Variants in SLC15A2 observed in about 807,000 individuals in gnomAD.
SLC15A2 encodes the protein solute carrier family 15 member 2.
SLC15A2 carries 77 observed loss-of-function variants against 95.5 expected under a neutral mutation model. The observed-to-expected ratio is 0.81, with a 90% CI of 0.67 to 0.97. The LOEUF is 0.97. Among genes scored for constraint, SLC15A2 ranks in the 50% least tolerant of loss-of-function variants. The pLI is 0.00. For missense variants in SLC15A2, 893 were observed against 874.4 expected, an observed-to-expected ratio of 1.02 and a Z score of -0.27; for synonymous variants, 306 against 306.9, an observed-to-expected ratio of 1.00 and a Z score of 0.03.
intron 7 of SLC15A2, among the ~76,000 whole-genome samples, chr3:121,916,510 T>A (rs1051601164): frequency 2.6e-5 from 4 of 152,174 alleles, no homozygotes; most frequent in Admixed American, 6.5e-5. Context: ...AGGGAGTTGA[T>A]GGGAGGGCAC....
chr3:121,931,503 A>T, intron 18 of SLC15A2, 136 bp from the exon 19 acceptor site: 2 of 572,268 alleles, frequency 3.5e-6, no homozygotes, highest in Non-Finnish European at 6.2e-6. Context: ...TCCAAGAAAC[A>T]TTTCTCTTCA....
chr3:121,915,981 G>A (rs921709896), intron 7 of SLC15A2, among the ~76,000 whole-genome samples: 7 of 152,012 alleles, frequency 4.6e-5, no homozygotes, highest in Non-Finnish European at 8.8e-5. Context: ...TTAGTATCTC[G>A]GGTCATTCTA....
At chr3:121,904,700 C>A (rs915170959) in intron 3 of SLC15A2, among the ~76,000 whole-genome samples, 5 of 152,184 alleles carry the variant, frequency 3.3e-5, no homozygotes, top group African/African-American at 1.2e-4. Context: ...AGGGATGAAG[C>A]CGACTTGATC....
In SLC15A2 at chr3:121,924,398, T is replaced by A. The variant is rs1710070133; in HGVS notation, c.1035+15T>A. The A allele has an allele frequency of 1.2e-6, 2 of 1,611,298 alleles. No individual in the cohort carries two copies. Among genetic ancestry groups the A allele is most frequent in the Non-Finnish European group, 1.7e-6 (2 of 1,177,480 alleles). On this transcript the variant is annotated intron_variant, in intron 12 of 21. Transcript: ENST00000489711. ...ACCAGATGCAGGTATGTGACTCTTC[T>A]ATAGCCATGGGGACTTATTTGTTTC...
intron 3 of SLC15A2, among the ~76,000 whole-genome samples, chr3:121,905,186 G>A (rs973731689): frequency 1.3e-5 from 2 of 152,050 alleles, no homozygotes; most frequent in South Asian, 2.1e-4. Flanking sequence ...CTGTGGAATC[G>A]GTGGTGATAT....
chr3:121,904,045 C>A (rs1273921512), intron 3 of SLC15A2, among the ~76,000 whole-genome samples: 2 of 152,112 alleles, frequency 1.3e-5, no homozygotes, highest in African/African-American at 4.8e-5. Context: ...GTTTGTAGTT[C>A]TCCTTGAAGA....
intron 19 of SLC15A2, among the ~76,000 whole-genome samples, chr3:121,937,900 C>G (rs1186908817): frequency 2.6e-5 from 4 of 151,236 alleles, no homozygotes; most frequent in South Asian, 2.1e-4. Context: ...GTGGTTTTAT[C>G]TACTTTTGGT....
At chr3:121,924,482 C>T in intron 12 of SLC15A2, 99 bp downstream of exon 12, 2 of 1,111,034 alleles carry the variant, frequency 1.8e-6, no homozygotes, top group East Asian at 2.4e-5. Flanking sequence ...ATGCTTTTCT[C>T]CTTGTACGCT....
At chr3:121,938,772 G>A (rs1416511828) in intron 19 of SLC15A2, among the ~76,000 whole-genome samples, 3 of 152,156 alleles carry the variant, frequency 2.0e-5, no homozygotes, top group East Asian at 1.9e-4. Flanking sequence ...GTTCCTATTC[G>A]GCCATCTTGG....
At position 121,911,685 on chromosome 3, in the gene SLC15A2, T is replaced by C; in HGVS notation, c.428+19T>C. On this transcript the variant is annotated intron_variant, in intron 4 of 21. Transcript: ENST00000489711. Reference sequence around the variant, plus strand: ...TACACACGTGAGTAAAATCATGGAATCAACTAAACTACTTTTCTCAGACAT... The same window carrying C: ...TACACACGTGAGTAAAATCATGGAACCAACTAAACTACTTTTCTCAGACAT... 1 of 1,415,650 alleles carries C rather than the reference T, an allele frequency of 7.1e-7. No individual in the cohort carries two copies. The highest frequency in any genetic ancestry group is 1.0e-6 in the Non-Finnish European group (1 of 999,746). The allele number at this position is 1,415,650 out of a possible 1,614,324, so 87.7% of individuals were successfully genotyped here.
intron 2 of SLC15A2, among the ~76,000 whole-genome samples, chr3:121,896,807 T>G (rs1709422710): frequency 6.7e-6 from 1 of 148,540 alleles, no homozygotes; most frequent in Non-Finnish European, 1.5e-5. Context: ...GAGGATTGCT[T>G]GGGCCCAGGA....
chr3:121,942,227 TG>T lies in SLC15A2; in HGVS notation c.*1221del, dbSNP rs1710475522. Reference sequence around the variant, plus strand: ...TAGGGATGGTAGAGCATGAGGGTTTTGTTTGTGTATGTGTATGGTCATGAAA... The same window carrying T: ...TAGGGATGGTAGAGCATGAGGGTTTTTTTGTGTATGTGTATGGTCATGAAA... On this transcript the variant is annotated 3_prime_UTR_variant, in exon 22 of 22. Coordinates refer to ENST00000489711, the MANE Select transcript of SLC15A2 (RefSeq NM_021082.4). 1 of 152,184 alleles carries T rather than the reference TG, an allele frequency of 6.6e-6. No homozygotes were observed. Among genetic ancestry groups the T allele is most frequent in the Non-Finnish European group, 1.5e-5 (1 of 68,038 alleles). 9.4% of individuals were successfully genotyped at this position (152,184 alleles called of 1,614,324 possible).
intron 7 of SLC15A2, among the ~76,000 whole-genome samples, chr3:121,918,266 G>A (rs1709934048): frequency 1.3e-5 from 2 of 152,158 alleles, no homozygotes; most frequent in South Asian, 2.1e-4. Context: ...GAGAAGATAA[G>A]CCAAGGTTTA....
At position 121,922,798 on chromosome 3, in the gene SLC15A2, G is replaced by A; in HGVS notation, c.804G>A (p.Lys268=). ...AGTTTGCTATTTCCAATCGTTTCAA[G>A]AACCGTTCTGGAGACATTCCAAAGC... The part of the protein sequence containing the change: ...CIWFAISNRF[K]NRSGDIPKRQ... The change falls in exon 9 of 22, where the codon AAG becomes AAA. Residue 268 remains lysine, a synonymous_variant. Transcript: ENST00000489711. 5 of 1,613,656 alleles carry A rather than the reference G, an allele frequency of 3.1e-6. No individual in the cohort carries two copies. The highest frequency in any genetic ancestry group is 4.2e-6 in the Non-Finnish European group (5 of 1,179,682).
At chr3:121,894,927 A>G (rs1219896051) in intron 1 of SLC15A2, among the ~76,000 whole-genome samples, 2 of 152,214 alleles carry the variant, frequency 1.3e-5, no homozygotes, top group Non-Finnish European at 2.9e-5. Flanking sequence ...CTTTACCAAT[A>G]TAAAAACTCT....
intron 19 of SLC15A2, among the ~76,000 whole-genome samples, chr3:121,938,358 C>G (rs1710392238): frequency 6.6e-6 from 1 of 152,248 alleles, no homozygotes; most frequent in Non-Finnish European, 1.5e-5. Flanking sequence ...GCGCCCCTCC[C>G]CCAGCCTCGC....
At chr3:121,898,870 A>C (rs1293947783) in intron 3 of SLC15A2, among the ~76,000 whole-genome samples, 1 of 152,182 alleles carries the variant, frequency 6.6e-6, no homozygotes, top group African/African-American at 2.4e-5. Context: ...ATTATTCTAT[A>C]AGTGTTTAAT....
chr3:121,933,839 T>C (rs1227460434), intron 19 of SLC15A2, among the ~76,000 whole-genome samples: 2 of 147,666 alleles, frequency 1.4e-5, no homozygotes, highest in Non-Finnish European at 3.0e-5. Flanking sequence ...TCCTTGCCCA[T>C]GCCTATGTCC....
At chr3:121,904,918 G>A (rs1371140426) in intron 3 of SLC15A2, among the ~76,000 whole-genome samples, 3 of 152,208 alleles carry the variant, frequency 2.0e-5, no homozygotes, top group African/African-American at 7.2e-5. Context: ...AGTTTCAGAA[G>A]GAATGATACC....
Sources: allele counts gnomAD v4.1 joint callset (sites outside exome capture counted in the v4.1 genomes callset), GRCh38; gene constraint gnomAD v4.1.1; transcripts MANE v1.5; gene names NCBI Gene and HGNC (gene_info 2026-07-23, HGNC 2026-07-21).